The following APOOL variants were observed in gnomAD, a reference collection of about 807,000 sequenced individuals.
APOOL encodes the protein MICOS complex subunit MIC27.
APOOL carries 12 observed loss-of-function variants against 23.1 expected under a neutral mutation model. The observed-to-expected ratio is 0.52, with a 90% CI of 0.33 to 0.84. APOOL has a LOEUF of 0.84. APOOL is among the 40% of genes least tolerant of loss of function. The pLI is 0.02. For missense variants in APOOL, 212 were observed against 199.6 expected (o/e 1.06, Z -0.37); for synonymous variants, 77 against 69.9 (o/e 1.10, Z -0.51).
Position 85,061,855 on chromosome X carries a change from G to A in APOOL, c.395-5272G>A, listed in dbSNP as rs950712031. Among the ~76,000 whole-genome samples, 3 of 111,233 alleles carry A rather than the reference G, an allele frequency of 2.7e-5. No homozygotes were observed. In the East Asian group the frequency reaches 8.5e-4, roughly 31 times the overall value. On this transcript the variant is annotated intron_variant, in intron 5 of 8. Transcript: ENST00000373173. Reference sequence around the variant, plus strand: ...CAGCTCCCGGATTCATTGATTTTTTGAAGGGTTTTTTGTATCTATTTCCTT... The same window carrying A: ...CAGCTCCCGGATTCATTGATTTTTTAAAGGGTTTTTTGTATCTATTTCCTT...
chrX:85,071,657 A>C (rs1201083466), intron 6 of APOOL, among the ~76,000 whole-genome samples: 1 of 112,033 alleles, frequency 8.9e-6, no homozygotes, highest in Non-Finnish European at 1.9e-5. Context: ...GAAGCCATTA[A>C]AGAAAAAGTT....
intron 1 of APOOL, among the ~76,000 whole-genome samples, chrX:85,004,455 G>T (rs1191044271): frequency 1.8e-5 from 2 of 111,708 alleles, no homozygotes; most frequent in Admixed American, 1.9e-4. Context: ...CGAGTTTTAC[G>T]CTTGGGAAAG....
rs759309351 is a variant in APOOL at position 85,066,579 on chromosome X, TATGTC to T, written c.395-546_395-542del. ...AAGGCACTTATTGATATGCATTACT[TATGTC>T]AGGTTACTTGCAATTATTATTCAGT... On this transcript the variant is annotated intron_variant, in intron 5 of 8. Transcript: ENST00000373173. 6.3e-5 allele frequency among the ~76,000 whole-genome samples: 7 copies of T among 111,623 alleles called. No homozygotes were observed. The East Asian group carries it at 1.4e-3, about 23-fold the overall frequency.
intron 1 of APOOL, among the ~76,000 whole-genome samples, chrX:85,019,962 G>A (rs1007606169): frequency 3.3e-4 from 37 of 111,569 alleles, no homozygotes; most frequent in African/African-American, 1.1e-3. Context: ...AGCAGTGGCA[G>A]CATAACCCCA....
chrX:85,019,026 G>A (rs1490651032), intron 1 of APOOL, among the ~76,000 whole-genome samples: 2 of 110,786 alleles, frequency 1.8e-5, no homozygotes, highest in East Asian at 2.8e-4. Flanking sequence ...GTCTTTGGTC[G>A]TGGTGGCTGC....
At chrX:85,011,580 A>G (rs1794879467) in intron 1 of APOOL, among the ~76,000 whole-genome samples, 1 of 111,294 alleles carries the variant, frequency 9.0e-6, no homozygotes, top group Admixed American at 9.5e-5. Flanking sequence ...TTCCAACATG[A>G]TTTGTTGAAC....
intron 1 of APOOL, among the ~76,000 whole-genome samples, chrX:85,031,876 T>A (rs1922049229): frequency 8.9e-6 from 1 of 112,145 alleles, no homozygotes. Context: ...TTTTGTAACG[T>A]CTGAATTCTA....
intron 8 of APOOL, among the ~76,000 whole-genome samples, chrX:85,075,848 T>A (rs1032486444): frequency 8.9e-6 from 1 of 111,737 alleles, no homozygotes; most frequent in Admixed American, 9.6e-5. Flanking sequence ...CCAGTGCTAC[T>A]TACTCATTCT....
In APOOL at chrX:85,074,293, T is replaced by C. The variant is rs200736988; in HGVS notation, c.620T>C (p.Ile207Thr). 75 of 1,209,358 alleles carry C rather than the reference T, an allele frequency of 6.2e-5. No homozygotes were observed. Among genetic ancestry groups the C allele is most frequent in the Non-Finnish European group, 8.0e-5 (72 of 894,810 alleles). ...EKTKLGSSSE[I>T]EVPAKTTHVL... is the part of the protein sequence containing the mutation. ...AAACAGCTAGGATCCTCTTCCGAAATAGAAGTACCTGCAAAAACAACTCAC... is the reference window on the plus strand; with the variant it reads ...AAACAGCTAGGATCCTCTTCCGAAACAGAAGTACCTGCAAAAACAACTCAC... The change falls in exon 8 of 9, where the codon ATA (isoleucine) becomes ACA (threonine). Residue 207 changes from isoleucine to threonine, a missense_variant. Physicochemically the swap from Ile to Thr is moderately conservative, Grantham distance 89 (BLOSUM62 -1). Coordinates refer to ENST00000373173, the MANE Select transcript of APOOL (RefSeq NM_198450.6).
At chrX:85,061,235 T>G (rs1923206211) in intron 5 of APOOL, among the ~76,000 whole-genome samples, 1 of 111,487 alleles carries the variant, frequency 9.0e-6, no homozygotes, top group Non-Finnish European at 1.9e-5. Context: ...TGAAGCCCAC[T>G]TGATCATGGT....
intron 1 of APOOL, among the ~76,000 whole-genome samples, chrX:85,035,918 A>G (rs944371865): frequency 8.9e-6 from 1 of 111,843 alleles, no homozygotes; most frequent in African/African-American, 3.2e-5. Context: ...GTGTGATGAC[A>G]CCAGCTTTGT....
rs1569462330 is a variant in APOOL, at chrX:85,088,095, T to TACGTATTAATACATATATGTATAAATAC, written c.*418_*419insCGTATTAATACATATATGTATAAATACA. On this transcript the variant is annotated 3_prime_UTR_variant, in exon 9 of 9. Transcript: ENST00000373173. The stretch of plus-strand genomic sequence containing the variant: ...ACATATACATATATGTATAAATACA[T>TACGTATTAATACATATATGTATAAATAC]ATACATATTTATACATATATGTATA... 13 of 2,984 alleles carry TACGTATTAATACATATATGTATAAATAC rather than the reference T, an allele frequency of 4.4e-3. No individual in the cohort carries two copies. The highest frequency in any genetic ancestry group is 0.011 in the Non-Finnish European group (13 of 1,135). The allele number at this position is 2,984 out of a possible 1,213,427, so 0.2% of individuals were successfully genotyped here.
intron 1 of APOOL, among the ~76,000 whole-genome samples, chrX:85,042,429 A>G (rs1429427423): frequency 8.9e-5 from 10 of 112,066 alleles, no homozygotes; most frequent in Non-Finnish European, 1.7e-4. Context: ...CTGAACAGAC[A>G]GATAACAATG....
intron 5 of APOOL, among the ~76,000 whole-genome samples, chrX:85,061,517 T>G (rs1923221374): frequency 8.9e-6 from 1 of 112,111 alleles, no homozygotes; most frequent in Non-Finnish European, 1.9e-5. Flanking sequence ...GTCCTGTACT[T>G]TTTTTGGTTG....
intron 1 of APOOL, among the ~76,000 whole-genome samples, chrX:85,019,116 G>T (rs1232370658): frequency 8.9e-6 from 1 of 111,789 alleles, no homozygotes; most frequent in Non-Finnish European, 1.9e-5. Flanking sequence ...GTTGTGGCAT[G>T]CTGGCATTCA....
rs141842045 is a variant in APOOL at position 85,018,246 on chromosome X, G to A, written c.15+14319G>A. Among the ~76,000 whole-genome samples, 99 of 112,236 alleles carry A rather than the reference G, an allele frequency of 8.8e-4. 1 individual carries two copies. In the East Asian group the frequency reaches 0.024, roughly 27 times the overall value. On this transcript the variant is annotated intron_variant, in intron 1 of 8. Transcript: ENST00000373173. Reference sequence around the variant, plus strand: ...GTACTGCAGGCTGTACAGGAAGCATGGTGCTGACATGTTTATGGTGAGAGC... The same window carrying A: ...GTACTGCAGGCTGTACAGGAAGCATAGTGCTGACATGTTTATGGTGAGAGC...
chrX:85,073,028 A>G (rs1923724111), intron 6 of APOOL, among the ~76,000 whole-genome samples: 1 of 111,273 alleles, frequency 9.0e-6, no homozygotes, highest in Non-Finnish European at 1.9e-5. Context: ...ATTTGTGTAT[A>G]TATAATGTAT....
chrX:85,025,324 G>A (rs1921803181), intron 1 of APOOL, among the ~76,000 whole-genome samples: 1 of 111,914 alleles, frequency 8.9e-6, no homozygotes, highest in African/African-American at 3.2e-5. Context: ...ATTGGGGATT[G>A]TGATTCAACA....
intron 1 of APOOL, among the ~76,000 whole-genome samples, chrX:85,018,220 A>G (rs2147475481): frequency 8.9e-6 from 1 of 112,382 alleles, no homozygotes; most frequent in South Asian, 3.7e-4. Flanking sequence ...TTTGGCTTAC[A>G]GTACTGCAGG....
Sources: allele counts gnomAD v4.1 joint callset (sites outside exome capture counted in the v4.1 genomes callset), GRCh38; gene constraint gnomAD v4.1.1; transcripts MANE v1.5; gene names NCBI Gene and HGNC (gene_info 2026-07-23, HGNC 2026-07-21).